Variants in OS9 observed in about 807,000 individuals in gnomAD.
OS9 encodes protein OS-9.
In OS9, 58 loss-of-function variants were observed where a neutral mutation model predicts 84.7. The ratio of observed to expected loss-of-function variants is 0.68; its 90% CI spans 0.55 to 0.85. OS9 has a LOEUF of 0.85. Among genes scored for constraint, OS9 ranks in the 40% least tolerant of loss-of-function variants. The probability of loss-of-function intolerance (pLI) is 0.00; values close to 1 mark genes in which losing one functional copy is unlikely to be tolerated. For missense variants in OS9, 760 were observed against 850.9 expected, an observed-to-expected ratio of 0.89 and a Z score of 1.33; for synonymous variants, 278 against 320.8, an observed-to-expected ratio of 0.87 and a Z score of 1.43.
In OS9 at chr12:57,694,142, C is replaced by A; in HGVS notation, c.-20C>A. 2 of 1,613,984 alleles carry A rather than the reference C, an allele frequency of 1.2e-6. No individual in the cohort carries two copies. Among genetic ancestry groups the A allele is most frequent in the Non-Finnish European group, 1.7e-6 (2 of 1,179,886 alleles). On this transcript the variant is annotated 5_prime_UTR_variant, in exon 1 of 15. Transcript: ENST00000315970. ...GCTTAGGGCGGAAACAGATTCTCTG[C>A]ATAAGAAGGGGAACGAAAGATGGCG...
chr12:57,716,141 C>T lies in OS9; in HGVS notation c.840C>T (p.Gly280=), dbSNP rs1954484548. 3 of 1,613,106 alleles carry T rather than the reference C, an allele frequency of 1.9e-6. No individual in the cohort carries two copies. The highest frequency in any genetic ancestry group is 2.2e-5 in the South Asian group (2 of 91,038). Residue 280 remains glycine (G), a synonymous_variant, in exon 7 of 15, where the codon GGC becomes GGT. Coordinates refer to ENST00000315970, the MANE Select transcript of OS9 (RefSeq NM_006812.4). ...TCATAGAGGAGCTGCAAGATCTAGGCCCCCAAGTGTGGAGTGAGACCAAGT... is the reference window on the plus strand; with the variant it reads ...TCATAGAGGAGCTGCAAGATCTAGGTCCCCAAGTGTGGAGTGAGACCAAGT... ...DKIIEELQDL[G]PQVWSETKSG...
Position 57,718,128 on chromosome 12 carries a change from C to G in OS9, c.1135-18C>G, listed in dbSNP as rs780846347. On this transcript the variant is annotated intron_variant, in intron 10 of 14. Coordinates refer to ENST00000315970, the MANE Select transcript of OS9 (RefSeq NM_006812.4). ...TTGAAACCCCAACTGTCTTTCTCCC[C>G]ACTCCCTACCCACCCAGGGGAAGCC... The G allele has an allele frequency of 3.1e-6, 5 of 1,608,658 alleles. No individual in the cohort carries two copies. The South Asian group carries it at 4.4e-5, about 14-fold the overall frequency.
At chr12:57,696,178 G>A (rs1357817376) in intron 4 of OS9, 97 bp from the exon 5 acceptor site, 4 of 1,215,566 alleles carry the variant, frequency 3.3e-6, no homozygotes, top group South Asian at 2.5e-5. Context: ...GGGCCTGGGG[G>A]CACAGGCCAT....
In OS9 at chr12:57,694,246, G is replaced by C. The variant is rs762826873; in HGVS notation, c.85G>C (p.Gly29Arg). Residue 29 changes from glycine (G) to arginine (R), a missense_variant, in exon 1 of 15, where the codon GGG becomes CGG. Gly to Arg is a moderately radical substitution (Grantham distance 125). Coordinates refer to ENST00000315970, the MANE Select transcript of OS9 (RefSeq NM_006812.4). ...LLPASLTGGV[G>R]SLNLEELSEM... ...ACCCGCAAGTCTGACCGGCGGTGTC[G>C]GGAGCCTGAACCTGGAGGAGCTGAG... 1 of 1,614,180 alleles carries C rather than the reference G, an allele frequency of 6.2e-7. No individual in the cohort carries two copies. Among genetic ancestry groups the C allele is most frequent in the South Asian group, 1.1e-5 (1 of 91,082 alleles).
chr12:57,715,408 G>A (rs977824221), intron 5 of OS9, among the ~76,000 whole-genome samples: 1 of 151,224 alleles, frequency 6.6e-6, no homozygotes, highest in Non-Finnish European at 1.5e-5. Context: ...GCAAATAAAA[G>A]TATATATATA....
At chr12:57,716,838 G>T in intron 9 of OS9, 94 bp downstream of exon 9, 1 of 1,131,392 alleles carries the variant, frequency 8.8e-7, no homozygotes, top group Non-Finnish European at 1.3e-6. Flanking sequence ...AGGGAGGTTG[G>T]GTAGCCAGGC....
chr12:57,694,292 A>G lies in OS9; in HGVS notation c.131A>G (p.Glu44Gly). 6.2e-7 allele frequency: 1 copy of G among 1,614,138 alleles called. No individual in the cohort carries two copies. Among genetic ancestry groups the G allele is most frequent in the Non-Finnish European group, 8.5e-7 (1 of 1,180,028 alleles). ...EELSEMRYGIEILPLPVMGGQ... is the reference protein window; with the variant it reads ...EELSEMRYGIGILPLPVMGGQ... ...CTGAGTGAGATGCGTTATGGGATCG[A>G]GATCCTGCCGTTGCCTGTCATGGGA... The change falls in exon 1 of 15, where the codon GAG (glutamate) becomes GGG (glycine). Residue 44 changes from glutamate (E) to glycine (G), a missense_variant. Transcript: ENST00000315970.
chr12:57,716,200 C>A lies in OS9; in HGVS notation c.892+7C>A. On this transcript the variant is annotated splice_region_variant and intron_variant, in intron 7 of 14. Coordinates refer to ENST00000315970, the MANE Select transcript of OS9 (RefSeq NM_006812.4). The stretch of plus-strand genomic sequence containing the variant: ...GCACCCCAAAAGATGGCAGGTAGGA[C>A]CTTGTTTCACCTGTTCCGTGAAACT... The A allele has an allele frequency of 6.4e-7, 1 of 1,567,892 alleles. No homozygotes were observed. Among genetic ancestry groups the A allele is most frequent in the Non-Finnish European group, 8.8e-7 (1 of 1,141,608 alleles).
chr12:57,720,702 G>A, intron 14 of OS9, 82 bp from the exon 15 acceptor site: 14 of 1,522,814 alleles, frequency 9.2e-6, no homozygotes, highest in Non-Finnish European at 1.2e-5. Flanking sequence ...CTCATTCCCT[G>A]CCTTCCCCCA....
chr12:57,707,697 C>T (rs1016559916), intron 5 of OS9, among the ~76,000 whole-genome samples: 8 of 152,206 alleles, frequency 5.3e-5, no homozygotes, highest in Non-Finnish European at 1.2e-4. Context: ...CCGTGTCCCG[C>T]CACATGTTCG....
At chr12:57,695,721 G>C in intron 2 of OS9, 59 bp from the exon 3 acceptor site, 1 of 1,079,858 alleles carries the variant, frequency 9.3e-7, no homozygotes, top group Non-Finnish European at 1.4e-6. Context: ...AGGAGACTCT[G>C]GTTCCAAGAA....
intron 5 of OS9, among the ~76,000 whole-genome samples, chr12:57,699,819 G>A (rs1953966279): frequency 1.3e-5 from 2 of 152,202 alleles, no homozygotes; most frequent in African/African-American, 4.8e-5. Context: ...AACTCTGCTG[G>A]GCGCGGTGGC....
intron 14 of OS9, 121 bp from the exon 15 acceptor site, chr12:57,720,663 C>T: frequency 1.5e-6 from 2 of 1,333,996 alleles, no homozygotes; most frequent in African/African-American, 1.5e-5. Flanking sequence ...TGCTGCCATG[C>T]AGGAAGAGCC....
rs1228802088 is a variant in OS9, at chr12:57,696,193, T to C, written c.481-82T>C. 6 of 1,299,206 alleles carry C rather than the reference T, an allele frequency of 4.6e-6. No individual in the cohort carries two copies. The South Asian group carries it at 4.9e-5, about 11-fold the overall frequency. The allele number at this position is 1,299,206 out of a possible 1,614,324, so 80.5% of individuals were successfully genotyped here. A position where few individuals can be genotyped will look rare whatever the true frequency, so the allele number is the denominator to read the frequency against. ...GGGCCTGGGGGCACAGGCCATTCTT[T>C]TGTCTCTTTGGGGACGCAGTGCCAT... On this transcript the variant is annotated intron_variant, in intron 4 of 14. Transcript: ENST00000315970.
chr12:57,717,532 C>T (rs1954535077), intron 9 of OS9, among the ~76,000 whole-genome samples: 1 of 152,154 alleles, frequency 6.6e-6, no homozygotes, highest in Non-Finnish European at 1.5e-5. Context: ...GTGGCTCATG[C>T]CTGTAATCCC....
chr12:57,711,146 T>G (rs944840665), intron 5 of OS9, among the ~76,000 whole-genome samples: 1 of 151,816 alleles, frequency 6.6e-6, no homozygotes, highest in African/African-American at 2.4e-5. Flanking sequence ...CCCCACAGGT[T>G]AACCCTGGTC....
At chr12:57,719,509 G>A in intron 12 of OS9, 2 of 289,506 alleles carry the variant, frequency 6.9e-6, no homozygotes, top group East Asian at 7.0e-5. Context: ...TCTATATGCT[G>A]AAAACCACTT....
At chr12:57,716,896 A>G (rs1205866947) in intron 9 of OS9, 152 bp downstream of exon 9, 2 of 659,506 alleles carry the variant, frequency 3.0e-6, no homozygotes, top group East Asian at 5.2e-5. Context: ...TGTAGACAGC[A>G]CTGCTATTTT....
In OS9 at chr12:57,694,341, G is replaced by A; in HGVS notation, c.162+18G>A. ...GAGGGCAGGTGAGAGGCGTATAAGG[G>A]GCGAGGGTCTGGGCAGAAGAGGAAG... On this transcript the variant is annotated intron_variant, in intron 1 of 14. Transcript: ENST00000315970. 1 of 1,613,784 alleles carries A rather than the reference G, an allele frequency of 6.2e-7. No individual in the cohort carries two copies. The highest frequency in any genetic ancestry group is 8.5e-7 in the Non-Finnish European group (1 of 1,179,786).
Sources: allele counts gnomAD v4.1 joint callset (sites outside exome capture counted in the v4.1 genomes callset), GRCh38; gene constraint gnomAD v4.1.1; transcripts MANE v1.5; gene names NCBI Gene and HGNC (gene_info 2026-07-23, HGNC 2026-07-21).